The following UBXN7 variants were observed in gnomAD, a reference collection of about 807,000 sequenced individuals.
UBXN7 encodes the protein UBX domain protein 7.
Under a neutral mutation model 58.0 loss-of-function variants are expected in UBXN7, and 9 were observed. That is an observed-to-expected ratio of 0.16 (90% CI 0.09 to 0.27). UBXN7 has a LOEUF of 0.27. Ranked by LOEUF, UBXN7 falls within the 10% of genes least tolerant of loss-of-function variation. UBXN7 has a pLI of 1.00. For missense variants in UBXN7, 328 were observed against 599.6 expected, an observed-to-expected ratio of 0.55 and a Z score of 4.73; for synonymous variants, 208 against 205.0, an observed-to-expected ratio of 1.01 and a Z score of -0.12.
rs1168909302 is a variant in UBXN7, at chr3:196,351,513, A to G, written c.*5172T>C. The G allele has an allele frequency of 3.3e-5, 5 of 152,180 alleles. No homozygotes were observed. The highest frequency in any genetic ancestry group is 1.2e-4 in the African/African-American group (5 of 41,446). The allele number at this position is 152,180 out of a possible 1,614,324, so 9.4% of individuals were successfully genotyped here. ...AAAAAGAGAGAAAAAAAAAGTAAAG[A>G]AACTGATTAACCAGCACACTTTTAA... On this transcript the variant is annotated 3_prime_UTR_variant, in exon 11 of 11. Transcript: ENST00000296328.
Position 196,349,648 on chromosome 3 carries a change from G to C in UBXN7, c.*7037C>G, listed in dbSNP as rs891711566. On this transcript the variant is annotated 3_prime_UTR_variant, in exon 11 of 11. Coordinates refer to ENST00000296328, the MANE Select transcript of UBXN7 (RefSeq NM_015562.2). The stretch of plus-strand genomic sequence containing the variant: ...CTACCTAGATAGAGAGAAAAAAGGA[G>C]AATGGCAGGGAACGGTTCCAGATCA... 4 of 152,154 alleles carry C rather than the reference G, an allele frequency of 2.6e-5. No individual in the cohort carries two copies. The highest frequency in any genetic ancestry group is 9.7e-5 in the African/African-American group (4 of 41,420). The allele number at this position is 152,154 out of a possible 1,614,324, so 9.4% of individuals were successfully genotyped here.
At chr3:196,425,741 ATC>A (rs1217436030) in intron 1 of UBXN7, among the ~76,000 whole-genome samples, 1 of 151,926 alleles carries the variant, frequency 6.6e-6, no homozygotes, top group Non-Finnish European at 1.5e-5. Context: ...CCCCTCTCTC[ATC>A]TCTGTCTGTA....
At chr3:196,361,138 T>C (rs1393508316) in intron 10 of UBXN7, among the ~76,000 whole-genome samples, 7 of 152,190 alleles carry the variant, frequency 4.6e-5, no homozygotes, top group South Asian at 4.1e-4. Flanking sequence ...CCAACCCTCA[T>C]GGATGACTTT....
At chr3:196,430,507 C>A (rs753334709) in intron 1 of UBXN7, among the ~76,000 whole-genome samples, 5 of 151,970 alleles carry the variant, frequency 3.3e-5, no homozygotes, top group Admixed American at 6.6e-5. Context: ...CCCACCTCAG[C>A]CTCCCCAGTA....
rs1179263362 is a variant in UBXN7, at chr3:196,355,784, T to A, written c.*901A>T. 3 of 152,194 alleles carry A rather than the reference T, an allele frequency of 2.0e-5. No homozygotes were observed. The highest frequency in any genetic ancestry group is 2.9e-5 in the Non-Finnish European group (2 of 68,042). 9.4% of individuals were successfully genotyped at this position (152,194 alleles called of 1,614,324 possible). A position where few individuals can be genotyped will look rare whatever the true frequency, so the allele number is the denominator to read the frequency against. ...TACAATTCCAAGCCATTGTACTACA[T>A]GATTATTGACCAGCTGCCTTCCTAC... On this transcript the variant is annotated 3_prime_UTR_variant, in exon 11 of 11. Coordinates refer to ENST00000296328, the MANE Select transcript of UBXN7 (RefSeq NM_015562.2).
chr3:196,431,112 A>C (rs1731030454), intron 1 of UBXN7, among the ~76,000 whole-genome samples: 1 of 152,196 alleles, frequency 6.6e-6, no homozygotes, highest in African/African-American at 2.4e-5. Flanking sequence ...GTAGTAGTTA[A>C]AACAATATAA....
chr3:196,359,794 A>G (rs1334920819), intron 10 of UBXN7, among the ~76,000 whole-genome samples: 3 of 151,698 alleles, frequency 2.0e-5, no homozygotes, highest in Non-Finnish European at 4.4e-5. Flanking sequence ...AATCCCAGCT[A>G]CTCGGGAGGC....
At chr3:196,411,656 T>C (rs1039866710) in intron 1 of UBXN7, among the ~76,000 whole-genome samples, 6 of 151,962 alleles carry the variant, frequency 3.9e-5, no homozygotes, top group East Asian at 1.9e-4. Flanking sequence ...ATTAAAAATA[T>C]GAAAATTAGC....
chr3:196,422,644 C>T (rs1353127944), intron 1 of UBXN7, among the ~76,000 whole-genome samples: 4 of 152,152 alleles, frequency 2.6e-5, no homozygotes, highest in African/African-American at 7.2e-5. Context: ...CCGCATCAGC[C>T]TCTCAAAGCC....
At chr3:196,376,592 T>C (rs1370545366) in intron 5 of UBXN7, among the ~76,000 whole-genome samples, 1 of 138,520 alleles carries the variant, frequency 7.2e-6, no homozygotes, top group African/African-American at 2.6e-5. Flanking sequence ...AAAGGAAAAA[T>C]TAGTTACTAA....
intron 5 of UBXN7, among the ~76,000 whole-genome samples, chr3:196,385,311 T>C (rs1426451452): frequency 6.6e-6 from 1 of 152,200 alleles, no homozygotes; most frequent in African/African-American, 2.4e-5. Context: ...GTGCTCAATG[T>C]TGCCCAGGCT....
chr3:196,360,036 A>C lies in UBXN7; in HGVS notation c.1308+1808T>G, dbSNP rs554626264. Among the ~76,000 whole-genome samples, 3 of 152,302 alleles carry C rather than the reference A, an allele frequency of 2.0e-5. No homozygotes were observed. In the South Asian group the frequency reaches 6.2e-4, roughly 32 times the overall value. On this transcript the variant is annotated intron_variant, in intron 10 of 10. Coordinates refer to ENST00000296328, the MANE Select transcript of UBXN7 (RefSeq NM_015562.2). ...CTTAAGCCAAAGCCTAATCCAAAAC[A>C]AGGTTCTAACTCTTTTCAATCCTAT...
intron 5 of UBXN7, among the ~76,000 whole-genome samples, chr3:196,391,087 T>C (rs1729567809): frequency 6.6e-6 from 1 of 152,192 alleles, no homozygotes; most frequent in Non-Finnish European, 1.5e-5. Flanking sequence ...ATTAGAGATA[T>C]TCTTTTCAAA....
At chr3:196,369,014 T>C (rs1362553902) in intron 7 of UBXN7, among the ~76,000 whole-genome samples, 5 of 152,054 alleles carry the variant, frequency 3.3e-5, no homozygotes, top group Admixed American at 6.6e-5. Flanking sequence ...TTAGTAGAGA[T>C]GGGGTTTCAC....
intron 8 of UBXN7, among the ~76,000 whole-genome samples, chr3:196,366,996 A>G (rs538579080): frequency 1.8e-3 from 269 of 152,290 alleles, no homozygotes; most frequent in Middle Eastern, 3.4e-3. Flanking sequence ...CAGCCTGCCC[A>G]ACAAGGCGAA....
intron 10 of UBXN7, among the ~76,000 whole-genome samples, chr3:196,360,763 A>T (rs1158682118): frequency 6.6e-6 from 1 of 152,184 alleles, no homozygotes; most frequent in Non-Finnish European, 1.5e-5. Context: ...CCAGGCACGG[A>T]GCCAAATCTC....
rs1728334891 is a variant in UBXN7, at chr3:196,355,994, C to T, written c.*691G>A. On this transcript the variant is annotated 3_prime_UTR_variant, in exon 11 of 11. Transcript: ENST00000296328. Reference sequence around the variant, plus strand: ...TCAGGTTAGGACAATGAAAGTCACCCCATGCTATATGCTCCATATTTAACA... The same window carrying T: ...TCAGGTTAGGACAATGAAAGTCACCTCATGCTATATGCTCCATATTTAACA... The T allele has an allele frequency of 6.6e-6, 1 of 152,364 alleles. No individual in the cohort carries two copies. Among genetic ancestry groups the T allele is most frequent in the Admixed American group, 6.6e-5 (1 of 15,206 alleles). The allele number at this position is 152,364 out of a possible 1,614,324, so 9.4% of individuals were successfully genotyped here. A position where few individuals can be genotyped will look rare whatever the true frequency, so the allele number is the denominator to read the frequency against.
intron 6 of UBXN7, among the ~76,000 whole-genome samples, chr3:196,371,390 T>A (rs1271571553): frequency 1.3e-5 from 2 of 151,922 alleles, no homozygotes; most frequent in African/African-American, 4.8e-5. Flanking sequence ...GTTAATTTCA[T>A]CTATTTTGAT....
At chr3:196,373,099 G>T (rs1290911594) in intron 5 of UBXN7, among the ~76,000 whole-genome samples, 1 of 152,050 alleles carries the variant, frequency 6.6e-6, no homozygotes, top group African/African-American at 2.4e-5. Context: ...ATTTTACTTT[G>T]TTTTCTTCAA....
Sources: gnomAD v4.1 joint callset for allele counts (sites outside exome capture counted in the v4.1 genomes callset) on GRCh38, gnomAD v4.1.1 for gene constraint, MANE v1.5 for transcripts, NCBI Gene and HGNC (gene_info 2026-07-23, HGNC 2026-07-21) for gene names.